PDXDC1: variants seen among roughly 807,000 people sequenced by gnomAD.
PDXDC1 encodes the protein pyridoxal dependent decarboxylase domain containing 1.
In PDXDC1, 42 loss-of-function variants were observed where a neutral mutation model predicts 100.1. The observed-to-expected ratio is 0.42, with a 90% CI of 0.33 to 0.54. PDXDC1 has a LOEUF of 0.54. PDXDC1 is among the 20% of genes least tolerant of loss of function. The pLI is 0.10. For synonymous variants in PDXDC1, 260 were observed against 371.7 expected (o/e 0.70, Z 3.46); for missense variants, 636 against 979.2 (o/e 0.65, Z 4.68).
In PDXDC1 at chr16:15,037,987, G is replaced by A. The variant is rs370531120; in HGVS notation, c.*1712G>A. ...TGGATTCGTGCCAGCCCCACCAATG[G>A]TCTGTCAGGCCAAGAAGGTGCTTTC... On this transcript the variant is annotated 3_prime_UTR_variant, in exon 23 of 23. Transcript: ENST00000396410. 1.3e-6 allele frequency: 2 copies of A among 1,482,684 alleles called. No individual in the cohort carries two copies. Among genetic ancestry groups the A allele is most frequent in the East Asian group, 2.3e-5 (1 of 44,206 alleles). 91.8% of individuals were successfully genotyped at this position (1,482,684 alleles called of 1,614,324 possible).
intron 16 of PDXDC1, chr16:15,079,950 A>C: frequency 6.6e-7 from 1 of 1,522,832 alleles, no homozygotes. Context: ...TGATTATAAC[A>C]AATTCAAGTC....
chr16:15,079,912 T>C, intron 16 of PDXDC1: 1 of 1,364,196 alleles, frequency 7.3e-7, no homozygotes, highest in South Asian at 1.4e-5. Flanking sequence ...GATTCTTTTC[T>C]ATCACTGACT....
chr16:15,039,914 G>A, downstream of PDXDC1: 3 of 1,010,822 alleles, frequency 3.0e-6, no homozygotes, highest in Non-Finnish European at 4.6e-6. Context: ...TTAAGGCCTT[G>A]ACATTTGATG....
intron 16 of PDXDC1, chr16:15,046,108 TG>T (rs2044049747): frequency 6.6e-6 from 1 of 152,374 alleles, no homozygotes; most frequent in Non-Finnish European, 1.5e-5. Flanking sequence ...TACGTCCCCC[TG>T]CGGGGGCCAA....
intron 8 of PDXDC1, among the ~76,000 whole-genome samples, chr16:15,011,631 C>CTTTTTTTTTTTTTTTTTTTTGT: frequency 7.6e-6 from 1 of 131,274 alleles, no homozygotes; most frequent in African/African-American, 2.8e-5. Flanking sequence ...ACATTTTTTT[C>CTTTTTTTTTTTTTTTTTTTTGT]TTTTTTTTTT....
the PDXDC1 span, among the ~76,000 whole-genome samples, chr16:15,145,264 C>T: frequency 3.3e-5 from 5 of 152,238 alleles, no homozygotes; most frequent in Non-Finnish European, 5.9e-5. Context: ...ACAGATCCAG[C>T]GGGGCAGCCG....
At chr16:15,089,530 G>C (rs569568325) in intron 16 of PDXDC1, among the ~76,000 whole-genome samples, 1 of 152,222 alleles carries the variant, frequency 6.6e-6, no homozygotes, top group Middle Eastern at 3.4e-3. Flanking sequence ...GCCGGGCGTG[G>C]TTACTCACGC....
chr16:15,051,009 A>C (rs2044271118), intron 16 of PDXDC1, among the ~76,000 whole-genome samples: 1 of 152,254 alleles, frequency 6.6e-6, no homozygotes, highest in African/African-American at 2.4e-5. Context: ...TACAGGTGAC[A>C]GCCTCTCATT....
At chr16:15,098,127 G>A (rs757813812) in intron 16 of PDXDC1, among the ~76,000 whole-genome samples, 1 of 150,890 alleles carries the variant, frequency 6.6e-6, no homozygotes, top group Non-Finnish European at 1.5e-5. Context: ...GTTTTTCTAG[G>A]GTGGAACTGT....
chr16:15,042,680 A>G (rs1409244417), downstream of PDXDC1, among the ~76,000 whole-genome samples: 2 of 152,206 alleles, frequency 1.3e-5, no homozygotes, highest in African/African-American at 2.4e-5. Context: ...TTCTTAGCAT[A>G]TATTTCCACA....
intron 16 of PDXDC1, among the ~76,000 whole-genome samples, chr16:15,086,816 C>T (rs2045932240): frequency 6.6e-6 from 1 of 152,172 alleles, no homozygotes; most frequent in African/African-American, 2.4e-5. Context: ...GGAACAATAG[C>T]TACCTCTATT....
chr16:15,128,943 C>T (rs1357464094), intron 16 of PDXDC1, among the ~76,000 whole-genome samples: 1 of 149,420 alleles, frequency 6.7e-6, no homozygotes, highest in Non-Finnish European at 1.5e-5. Context: ...GGAGCTGGGA[C>T]TACAGGCGCC....
chr16:14,976,254 A>G (rs1185609108), intron 1 of PDXDC1, among the ~76,000 whole-genome samples: 1 of 152,286 alleles, frequency 6.6e-6, no homozygotes, highest in Non-Finnish European at 1.5e-5. Flanking sequence ...TGCATGTGGC[A>G]TTCAGGAGCA....
chr16:15,128,280 C>T, intron 16 of PDXDC1: 1 of 1,610,978 alleles, frequency 6.2e-7, no homozygotes. Flanking sequence ...GGGTGGCGAT[C>T]CGGAAGATGT....
chr16:15,093,296 G>A (rs2046214825), intron 16 of PDXDC1, among the ~76,000 whole-genome samples: 1 of 152,160 alleles, frequency 6.6e-6, no homozygotes, highest in South Asian at 2.1e-4. Flanking sequence ...GAGCAACCGC[G>A]CCCGGCCTAG....
downstream of PDXDC1, among the ~76,000 whole-genome samples, chr16:15,144,208 G>C (rs2048518489): frequency 6.6e-6 from 1 of 152,198 alleles, no homozygotes; most frequent in Non-Finnish European, 1.5e-5. Context: ...AGAGGACAGG[G>C]GACAGGCAGC....
intron 16 of PDXDC1, among the ~76,000 whole-genome samples, chr16:15,088,654 T>C (rs909059887): frequency 6.6e-6 from 1 of 152,092 alleles, no homozygotes; most frequent in Non-Finnish European, 1.5e-5. Context: ...TTCAGCTGTC[T>C]TTAAACAGTA....
At chr16:15,046,826 G>C (rs1375082930) in intron 16 of PDXDC1, among the ~76,000 whole-genome samples, 1 of 151,224 alleles carries the variant, frequency 6.6e-6, no homozygotes, top group Non-Finnish European at 1.5e-5. Context: ...AGTAAGCTGA[G>C]ATCACACAAC....
At chr16:15,040,120 C>T (rs146709224), downstream of PDXDC1, 76 of 969,506 alleles carry the variant, frequency 7.8e-5, no homozygotes, top group East Asian at 1.8e-3. Flanking sequence ...AGCGGAAAGT[C>T]TGCACAGTCT....
Sources: allele counts gnomAD v4.1 joint callset (sites outside exome capture counted in the v4.1 genomes callset), GRCh38; gene constraint gnomAD v4.1.1; transcripts MANE v1.5; gene names NCBI Gene and HGNC (gene_info 2026-07-23, HGNC 2026-07-21).